The following TMPRSS6 variants were observed in gnomAD, a reference collection of about 807,000 sequenced individuals.
TMPRSS6 encodes the protein transmembrane serine protease 6, also known as transmembrane protease serine 6.
A neutral mutation model predicts 101.5 loss-of-function variants in TMPRSS6; 67 were observed. That is an observed-to-expected ratio of 0.66 (90% CI 0.54 to 0.81). The LOEUF is 0.81. Among genes scored for constraint, TMPRSS6 ranks in the 30% least tolerant of loss-of-function variants. The pLI is 0.00. For synonymous variants in TMPRSS6, 453 were observed against 464.9 expected (o/e 0.97, Z 0.33); for missense variants, 1,034 against 1,088.7 (o/e 0.95, Z 0.71).
chr22:37,109,493 C>T lies in TMPRSS6; in HGVS notation c.-2+10G>A, dbSNP rs553840346. 1.3e-5 allele frequency: 2 copies of T among 152,590 alleles called. No homozygotes were observed. The highest frequency in any genetic ancestry group is 2.4e-5 in the African/African-American group (1 of 41,586). 9.5% of individuals were successfully genotyped at this position (152,590 alleles called of 1,614,324 possible). A position where few individuals can be genotyped will look rare whatever the true frequency, so the allele number is the denominator to read the frequency against. On this transcript the variant is annotated intron_variant, in intron 1 of 17. Transcript: ENST00000676104. ...GATCCCGGTCCCCTGTCCTGGAGGC[C>T]CCCGCTTACCTTTGGGAGCGGCAGA...
rs116421939 is a variant in TMPRSS6, at chr22:37,108,128, A to C, written c.-2+1375T>G. On this transcript the variant is annotated intron_variant, in intron 1 of 17. Coordinates refer to ENST00000676104, the MANE Select transcript of TMPRSS6 (RefSeq NM_001374504.1). ...GACACTGGACTTCCATTGGTGAGAA[A>C]TTTTAACAATGGGATGGTAGCAAAC... 2.0e-3 allele frequency among the ~76,000 whole-genome samples: 304 copies of C among 152,166 alleles called. 1 individual carries two copies. Among genetic ancestry groups the C allele is most frequent in the African/African-American group, 6.8e-3 (281 of 41,500 alleles).
At chr22:37,066,782 A>G in intron 17 of TMPRSS6, 44 bp downstream of exon 17, 3 of 1,613,344 alleles carry the variant, frequency 1.9e-6, no homozygotes, top group Non-Finnish European at 2.5e-6. Flanking sequence ...TGTGGGCAGC[A>G]TCCTTTCTCC....
chr22:37,094,393 A>G (rs1283439063), intron 6 of TMPRSS6, among the ~76,000 whole-genome samples: 1 of 144,112 alleles, frequency 6.9e-6, no homozygotes, highest in African/African-American at 2.7e-5. Flanking sequence ...ATAGATAGAT[A>G]GATAGATAGA....
intron 1 of TMPRSS6, among the ~76,000 whole-genome samples, chr22:37,104,702 T>C (rs1020797636): frequency 6.6e-6 from 1 of 152,142 alleles, no homozygotes; most frequent in African/African-American, 2.4e-5. Context: ...GGCTCACGCC[T>C]GTAATCCCAA....
In TMPRSS6 at chr22:37,065,484, T is replaced by C. The variant is rs1926184649; in HGVS notation, c.*596A>G. The stretch of plus-strand genomic sequence containing the variant: ...AAGGGCAGCTGAGCTCACCTCCCAG[T>C]GAGGGTCTGGGCTGTGAGGGCCCAG... On this transcript the variant is annotated 3_prime_UTR_variant, in exon 18 of 18. Transcript: ENST00000676104. 6.5e-6 allele frequency: 1 copy of C among 153,888 alleles called. No individual in the cohort carries two copies. Among genetic ancestry groups the C allele is most frequent in the South Asian group, 2.0e-4 (1 of 4,930 alleles). 9.5% of individuals were successfully genotyped at this position (153,888 alleles called of 1,614,324 possible).
Position 37,084,790 on chromosome 22 carries a change from G to T in TMPRSS6, c.1023C>A (p.Val341=). 6.4e-7 allele frequency: 1 copy of T among 1,564,954 alleles called. No individual in the cohort carries two copies. Residue 341 remains valine, a synonymous_variant, in exon 9 of 18, where the codon GTC becomes GTA. Coordinates refer to ENST00000676104, the MANE Select transcript of TMPRSS6 (RefSeq NM_001374504.1). The part of the protein sequence containing the change: ...TLDNRLDSQG[V]LSTPYFPSYY... ...AGCTGGGGAAGTACGGGGTGCTGAGGACGCCCTGGGAGTCGAGCCTGTTGT... is the reference window on the plus strand; with the variant it reads ...AGCTGGGGAAGTACGGGGTGCTGAGTACGCCCTGGGAGTCGAGCCTGTTGT...
intron 6 of TMPRSS6, among the ~76,000 whole-genome samples, chr22:37,092,602 T>C (rs2146137044): frequency 6.6e-6 from 1 of 152,308 alleles, no homozygotes; most frequent in South Asian, 2.1e-4. Flanking sequence ...GTTCAAGCAA[T>C]TCTCCTGCCT....
intron 6 of TMPRSS6, among the ~76,000 whole-genome samples, chr22:37,093,978 G>A (rs527755242): frequency 3.3e-5 from 5 of 151,948 alleles, no homozygotes; most frequent in African/African-American, 7.3e-5. Flanking sequence ...AGCCAAGATC[G>A]CGGCACTGCA....
At chr22:37,082,027 T>G (rs1928310693) in intron 10 of TMPRSS6, among the ~76,000 whole-genome samples, 1 of 152,188 alleles carries the variant, frequency 6.6e-6, no homozygotes, top group Admixed American at 6.5e-5. Context: ...AGTCCCTGTC[T>G]CCCCAGTACC....
At chr22:37,072,948 CGAT>C (rs1341894842) in intron 13 of TMPRSS6, among the ~76,000 whole-genome samples, 1 of 115,904 alleles carries the variant, frequency 8.6e-6, no homozygotes, top group African/African-American at 3.4e-5. Flanking sequence ...GATGGATGAT[CGAT>C]GGGTGGATGA....
At position 37,106,985 on chromosome 22, in the gene TMPRSS6, C is replaced by T. The variant is rs75147866; in HGVS notation, c.-2+2518G>A. ...CTTGGCTTTGGGTCTTGCCTCTGTC[C>T]CCTACAGAACAGGCAGGGCCAGCAT... On this transcript the variant is annotated intron_variant, in intron 1 of 17. Transcript: ENST00000676104. Among the ~76,000 whole-genome samples, 496 of 152,336 alleles carry T rather than the reference C, an allele frequency of 3.3e-3. 4 individuals carry two copies. Among genetic ancestry groups the T allele is most frequent in the African/African-American group, 0.011 (469 of 41,580 alleles).
At chr22:37,072,731 TGGATGATGGAC>T (rs1927201016) in intron 13 of TMPRSS6, among the ~76,000 whole-genome samples, 1 of 137,286 alleles carries the variant, frequency 7.3e-6, no homozygotes, top group Admixed American at 7.4e-5. Context: ...GATGGATGGA[TGGATGATGGAC>T]GGATGGATGG....
At position 37,069,351 on chromosome 22, in the gene TMPRSS6, TGGGG is replaced by T; in HGVS notation, c.1842-11_1842-8del. 2.4e-5 allele frequency: 3 copies of T among 126,954 alleles called. No homozygotes were observed. The highest frequency in any genetic ancestry group is 6.3e-5 in the South Asian group (1 of 15,862). The allele number at this position is 126,954 out of a possible 1,614,324, so 7.9% of individuals were successfully genotyped here. On this transcript the variant is annotated splice_region_variant and splice_polypyrimidine_tract_variant and intron_variant, in intron 15 of 17. Transcript: ENST00000676104. This position sits in a 1 kb window ranked among gnomAD's most constrained non-coding sequence, Gnocchi z 4.8. ...CAGCACCGTGGAGGCCATGCTGGGG[TGGGG>T]TGGGGTGGGGTGGGGTGGGGTGAGG...
chr22:37,072,796 TGATGGATG>T (rs1301860217), intron 13 of TMPRSS6, among the ~76,000 whole-genome samples: 7 of 131,770 alleles, frequency 5.3e-5, no homozygotes, highest in East Asian at 2.4e-4. Context: ...GACGGATGGA[TGATGGATG>T]GATGGATGGA....
intron 6 of TMPRSS6, among the ~76,000 whole-genome samples, chr22:37,092,091 CTTT>C (rs11319214): frequency 1.4e-5 from 2 of 143,262 alleles, no homozygotes; most frequent in African/African-American, 2.6e-5. Context: ...AATAATTACC[CTTT>C]TTTTTTTTTT....
intron 10 of TMPRSS6, among the ~76,000 whole-genome samples, chr22:37,080,981 T>A (rs1005481425): frequency 2.6e-5 from 4 of 152,270 alleles, no homozygotes; most frequent in African/African-American, 9.6e-5. Flanking sequence ...CATGCATCTG[T>A]GCACCCACGT....
chr22:37,096,161 T>C, intron 4 of TMPRSS6, 71 bp from the exon 5 acceptor site: 3 of 1,562,274 alleles, frequency 1.9e-6, no homozygotes, highest in Admixed American at 3.5e-5. Flanking sequence ...CCCCTGCTCA[T>C]GCACATCGAG....
At position 37,098,451 on chromosome 22, in the gene TMPRSS6, C is replaced by T; in HGVS notation, c.301G>A (p.Ala101Thr). 1 of 1,614,018 alleles carries T rather than the reference C, an allele frequency of 6.2e-7. No individual in the cohort carries two copies. The highest frequency in any genetic ancestry group is 8.5e-7 in the Non-Finnish European group (1 of 1,180,008). Residue 101 changes from alanine (A) to threonine (T), a missense_variant, in exon 3 of 18, where the codon GCC becomes ACC. Ala to Thr is a moderately conservative substitution (Grantham distance 58). Transcript: ENST00000676104. ...SQDLTRRESS[A>T]FRSETAKAQK... is the part of the protein sequence containing the mutation. ...GCTTTGGCGGTTTCACTGCGGAAGG[C>T]ACTAGATTCCCGGCGGGTAAGATCC...
intron 8 of TMPRSS6, 137 bp downstream of exon 8, chr22:37,086,146 C>A (rs1353782031): frequency 1.7e-6 from 2 of 1,188,716 alleles, no homozygotes; most frequent in African/African-American, 1.5e-5. Flanking sequence ...GAGTGGAGAG[C>A]AGCAGGAGCT....
Sources: gnomAD v4.1 joint callset for allele counts (sites outside exome capture counted in the v4.1 genomes callset) on GRCh38, gnomAD v4.1.1 for gene constraint, Gnocchi (gnomAD v3.1) non-coding constraint, MANE v1.5 for transcripts, NCBI Gene and HGNC (gene_info 2026-07-23, HGNC 2026-07-21) for gene names.